The following SARNP variants were observed in gnomAD, a reference collection of about 807,000 sequenced individuals.
The protein encoded by SARNP is SAP domain-containing ribonucleoprotein.
A neutral mutation model predicts 38.1 loss-of-function variants in SARNP; 5 were observed. That is an observed-to-expected ratio of 0.13 (90% confidence interval 0.07 to 0.28). The LOEUF is 0.28. SARNP is among the 10% of genes least tolerant of loss of function. The probability of loss-of-function intolerance (pLI) is 1.00; values close to 1 mark genes in which losing one functional copy is unlikely to be tolerated. For synonymous variants in SARNP, 84 were observed against 80.6 expected (o/e 1.04, Z -0.23); for missense variants, 180 against 243.9 (o/e 0.74, Z 1.75).
In SARNP at chr12:55,794,794, T is replaced by TG. The variant is rs1879772007; in HGVS notation, c.377+12dup. 6.4e-7 allele frequency: 1 copy of TG among 1,567,876 alleles called. No individual in the cohort carries two copies. Among genetic ancestry groups the TG allele is most frequent in the African/African-American group, 1.4e-5 (1 of 73,692 alleles). ...CACCCCTATCAGAGGCCCAAAAGGC[T>TG]GGGGACACTCACCTAGCTGCCCGAG... On this transcript the variant is annotated intron_variant, in intron 6 of 10. Coordinates refer to ENST00000336133, the MANE Select transcript of SARNP (RefSeq NM_033082.4).
Position 55,787,737 on chromosome 12 carries a change from TTTTC to T in SARNP, c.501+1334_501+1337del, listed in dbSNP as rs201482374. Among the ~76,000 whole-genome samples the T allele has an allele frequency of 9.3e-3, 1,395 of 149,854 alleles. 16 individuals carry two copies. The highest frequency in any genetic ancestry group is 0.029 in the African/African-American group (1,164 of 40,500). The stretch of plus-strand genomic sequence containing the variant: ...AGGCACGGTGGTGCTCGACTGATTT[TTTTC>T]TTTCTTTCTTTTTTTTTTTTTTCTT... On this transcript the variant is annotated intron_variant, in intron 9 of 10. Transcript: ENST00000336133.
intron 1 of SARNP, among the ~76,000 whole-genome samples, chr12:55,813,806 A>AC (rs1880404122): frequency 1.3e-5 from 2 of 152,278 alleles, no homozygotes; most frequent in African/African-American, 4.8e-5. Context: ...GGCCTCCCAA[A>AC]GTACTGGGAT....
rs1296200568 is a variant in SARNP at position 55,800,733 on chromosome 12, C to T, written c.184-104G>A. 3 of 1,265,932 alleles carry T rather than the reference C, an allele frequency of 2.4e-6. No homozygotes were observed. In the African/African-American group the frequency reaches 4.4e-5, roughly 19 times the overall value. The allele number at this position is 1,265,932 out of a possible 1,614,324, so 78.4% of individuals were successfully genotyped here. A position where few individuals can be genotyped will look rare whatever the true frequency, so the allele number is the denominator to read the frequency against. ...AAATAAACCAGTCTCTCAGAACCTT[C>T]ATACCCATCTTATGCTCCCCTAATA... is the stretch of plus-strand genomic sequence containing the variant. On this transcript the variant is annotated intron_variant, in intron 3 of 10. Coordinates refer to ENST00000336133, the MANE Select transcript of SARNP (RefSeq NM_033082.4).
At chr12:55,789,638 C>T (rs532068641) in intron 8 of SARNP, among the ~76,000 whole-genome samples, 2 of 152,158 alleles carry the variant, frequency 1.3e-5, no homozygotes, top group African/African-American at 4.8e-5. Context: ...CATGGACTTG[C>T]TACTATTGTT....
chr12:55,799,315 C>T (rs1046898181), intron 4 of SARNP, among the ~76,000 whole-genome samples: 14 of 152,288 alleles, frequency 9.2e-5, no homozygotes, highest in South Asian at 4.1e-4. Context: ...GACTCAACGG[C>T]TCTTAATGTA....
intron 2 of SARNP, 69 bp downstream of exon 2, chr12:55,803,558 AAG>A (rs1880048341): frequency 1.1e-6 from 1 of 951,248 alleles, no homozygotes. Flanking sequence ...AAAAAAAAAA[AAG>A]AAATCTTTTC....
intron 1 of SARNP, among the ~76,000 whole-genome samples, chr12:55,805,478 A>G (rs1431159844): frequency 6.6e-6 from 1 of 151,926 alleles, no homozygotes; most frequent in East Asian, 1.9e-4. Context: ...CTGGGAGGCC[A>G]AGGCGGGCAG....
chr12:55,775,685 T>A (rs1879162119), intron 9 of SARNP, among the ~76,000 whole-genome samples: 1 of 151,982 alleles, frequency 6.6e-6, no homozygotes, highest in Non-Finnish European at 1.5e-5. Context: ...TTTACAAACA[T>A]CACCAACAAG....
chr12:55,763,943 C>T (rs1237607065), intron 9 of SARNP, among the ~76,000 whole-genome samples: 4 of 152,174 alleles, frequency 2.6e-5, no homozygotes, highest in African/African-American at 9.7e-5. Context: ...AGGTATCTCA[C>T]TTAAGTATTT....
chr12:55,796,591 T>G (rs1008455215), intron 4 of SARNP, among the ~76,000 whole-genome samples: 1 of 152,064 alleles, frequency 6.6e-6, no homozygotes, highest in Non-Finnish European at 1.5e-5. Context: ...TTAGTAGAGA[T>G]AGGGTTTCAC....
intron 10 of SARNP, among the ~76,000 whole-genome samples, chr12:55,760,149 C>T (rs535858281): frequency 1.3e-5 from 2 of 152,264 alleles, no homozygotes; most frequent in East Asian, 1.9e-4. Context: ...TCAGTGTTGC[C>T]ACTTCACCCA....
intron 4 of SARNP, among the ~76,000 whole-genome samples, chr12:55,798,988 CACTT>C (rs559290179): frequency 2.1e-4 from 32 of 152,216 alleles, no homozygotes; most frequent in Admixed American, 1.7e-3. Context: ...ATATAACTAA[CACTT>C]ACATAAGAAA....
At chr12:55,764,405 C>T (rs1024770201) in intron 9 of SARNP, among the ~76,000 whole-genome samples, 1 of 151,910 alleles carries the variant, frequency 6.6e-6, no homozygotes, top group East Asian at 1.9e-4. Context: ...GTGGCGCATG[C>T]CTGTAATCCC....
intron 7 of SARNP, chr12:55,792,838 C>G (rs1879713734): frequency 6.6e-6 from 1 of 152,082 alleles, no homozygotes; most frequent in South Asian, 2.1e-4. Flanking sequence ...ACACCTGCCA[C>G]CATGTCTAGT....
At chr12:55,782,668 TC>T (rs780448982) in intron 9 of SARNP, among the ~76,000 whole-genome samples, 37 of 152,076 alleles carry the variant, frequency 2.4e-4, no homozygotes, top group Non-Finnish European at 4.4e-4. Context: ...CTCACTGCAG[TC>T]TCGAGTTCCT....
At chr12:55,792,035 T>C (rs529980309) in intron 7 of SARNP, among the ~76,000 whole-genome samples, 6 of 152,046 alleles carry the variant, frequency 3.9e-5, no homozygotes, top group East Asian at 1.9e-4. Flanking sequence ...TGAGGGAGGA[T>C]TGCTTGAGCC....
intron 9 of SARNP, among the ~76,000 whole-genome samples, chr12:55,769,728 C>T (rs564963919): frequency 3.9e-5 from 6 of 152,316 alleles, no homozygotes; most frequent in East Asian, 1.9e-4. Flanking sequence ...CTATACTTGA[C>T]GTATCCATAC....
rs192008838 is a variant in SARNP at position 55,784,846 on chromosome 12, T to C, written c.501+4229A>G. Among the ~76,000 whole-genome samples the C allele has an allele frequency of 2.7e-3, 408 of 152,304 alleles. 7 individuals are homozygous for C. The highest frequency in any genetic ancestry group is 0.024 in the Admixed American group (369 of 15,298). ...GACCAAAATGTTTAAATTAGGATAG[T>C]TCTGAAAATCAAGACTTATAACCAA... On this transcript the variant is annotated intron_variant, in intron 9 of 10. Coordinates refer to ENST00000336133, the MANE Select transcript of SARNP (RefSeq NM_033082.4).
chr12:55,774,588 A>C (rs1467250459), intron 9 of SARNP, among the ~76,000 whole-genome samples: 1 of 149,094 alleles, frequency 6.7e-6, no homozygotes, highest in African/African-American at 2.5e-5. Context: ...ACAAAAAAAA[A>C]AAAACAAAAA....
Sources: gnomAD v4.1 joint callset for allele counts (sites outside exome capture counted in the v4.1 genomes callset) on GRCh38, gnomAD v4.1.1 for gene constraint, MANE v1.5 for transcripts, NCBI Gene and HGNC (gene_info 2026-07-23, HGNC 2026-07-21) for gene names.